The following SLC8B1 variants were observed in gnomAD, a reference collection of about 807,000 sequenced individuals.
The protein encoded by SLC8B1 is mitochondrial sodium/calcium exchanger protein.
A neutral mutation model predicts 63.4 loss-of-function variants in SLC8B1; 52 were observed. The ratio of observed to expected loss-of-function variants is 0.82; its 90% CI spans 0.66 to 1.03. The LOEUF (loss-of-function observed/expected upper bound fraction) is 1.03. SLC8B1 is among the 50% of genes least tolerant of loss of function. The pLI is 0.00. For synonymous variants in SLC8B1, 336 were observed against 323.9 expected, an observed-to-expected ratio of 1.04 and a Z score of -0.40; for missense variants, 657 against 741.7, an observed-to-expected ratio of 0.89 and a Z score of 1.33.
rs67032040 is a variant in SLC8B1, at chr12:113,307,110, C to CAA, written c.1412-537_1412-536dup. Among the ~76,000 whole-genome samples, 15 of 18,208 alleles carry CAA rather than the reference C, an allele frequency of 8.2e-4. 6 individuals carry two copies. Among genetic ancestry groups the CAA allele is most frequent in the Non-Finnish European group, 1.4e-3 (13 of 9,170 alleles). The allele number at this position is 18,208 out of a possible 152,430, so 11.9% of individuals were successfully genotyped here. A position where few individuals can be genotyped will look rare whatever the true frequency, so the allele number is the denominator to read the frequency against. On this transcript the variant is annotated intron_variant, in intron 13 of 15. Transcript: ENST00000680972. Reference sequence around the variant, plus strand: ...TGGGCGACAGAGCAAGCCTCCATCTCAAAAAAAAAAAAAAAAAAAAAAAAA... The same window carrying CAA: ...TGGGCGACAGAGCAAGCCTCCATCTCAAAAAAAAAAAAAAAAAAAAAAAAAAA...
chr12:113,303,059 CACACACACACGT>C (rs1956614793), intron 15 of SLC8B1, among the ~76,000 whole-genome samples: 1 of 143,300 alleles, frequency 7.0e-6, no homozygotes, highest in Non-Finnish European at 1.5e-5. Context: ...GGTAGACACA[CACACACACACGT>C]ACACACACAC....
In SLC8B1 at chr12:113,299,590, G is replaced by A; in HGVS notation, c.*187C>T. On this transcript the variant is annotated 3_prime_UTR_variant, in exon 16 of 16. Coordinates refer to ENST00000680972, the MANE Select transcript of SLC8B1 (RefSeq NM_001358345.2). ...CAAGGTCCCCACGGCAAGGCTGTTG[G>A]GTGCTGGCAGCAAGAGGTACACAGC... 3 of 615,080 alleles carry A rather than the reference G, an allele frequency of 4.9e-6. No homozygotes were observed. Among genetic ancestry groups the A allele is most frequent in the Non-Finnish European group, 8.6e-6 (3 of 346,850 alleles). 38.1% of individuals were successfully genotyped at this position (615,080 alleles called of 1,614,324 possible).
chr12:113,333,456 T>G (rs1957085332), intron 1 of SLC8B1, among the ~76,000 whole-genome samples: 1 of 152,240 alleles, frequency 6.6e-6, no homozygotes, highest in African/African-American at 2.4e-5. Flanking sequence ...AATGCTGTTG[T>G]TCTGTGTCTT....
chr12:113,299,827 C>A lies in SLC8B1; in HGVS notation c.1705G>T (p.Val569Phe), dbSNP rs1956548682. 1 of 1,614,230 alleles carries A rather than the reference C, an allele frequency of 6.2e-7. No individual in the cohort carries two copies. The highest frequency in any genetic ancestry group is 8.5e-7 in the Non-Finnish European group (1 of 1,180,050). The part of the protein sequence containing the change: ...CLLLFYLNFL[V>F]VALLTEFGVI... ...CCAAATTCAGTGAGGAGGGCCACGA[C>A]AAGGAAGTTCAGGTAGAAGAGGAGC... Residue 569 changes from valine (V) to phenylalanine (F), a missense_variant, in exon 16 of 16, where the codon GTC becomes TTC. Coordinates refer to ENST00000680972, the MANE Select transcript of SLC8B1 (RefSeq NM_001358345.2).
At chr12:113,303,147 G>A (rs1039476615) in intron 15 of SLC8B1, among the ~76,000 whole-genome samples, 6 of 126,936 alleles carry the variant, frequency 4.7e-5, no homozygotes, top group East Asian at 4.0e-4. Flanking sequence ...ACACACGCGC[G>A]CGCACAGGAG....
rs1956814601 is a variant in SLC8B1, at chr12:113,314,979, A to G, written c.1135+356T>C. On this transcript the variant is annotated intron_variant, in intron 11 of 15. Transcript: ENST00000680972. ...TCTGCCTCTAGCCCAAACCTCCCTC[A>G]CGTGGTTGAGAAGAAAACTCCACTG... Among the ~76,000 whole-genome samples, 3 of 152,124 alleles carry G rather than the reference A, an allele frequency of 2.0e-5. No homozygotes were observed. The South Asian group carries it at 6.2e-4, about 32-fold the overall frequency.
At chr12:113,315,794 C>G (rs943839140) in intron 10 of SLC8B1, among the ~76,000 whole-genome samples, 3 of 152,220 alleles carry the variant, frequency 2.0e-5, no homozygotes, top group Admixed American at 2.0e-4. Context: ...CACCTGCCTT[C>G]CAGGCCCCAC....
chr12:113,328,051 G>A (rs1027469470), intron 2 of SLC8B1, among the ~76,000 whole-genome samples: 4 of 147,988 alleles, frequency 2.7e-5, no homozygotes, highest in African/African-American at 1.0e-4. Flanking sequence ...TATTTATTTA[G>A]AGACAGGTTC....
intron 2 of SLC8B1, among the ~76,000 whole-genome samples, chr12:113,327,765 C>T (rs1408862849): frequency 1.3e-5 from 2 of 151,676 alleles, no homozygotes. Flanking sequence ...GGTGGATCAC[C>T]TGAGGTCAGG....
At chr12:113,334,187 C>T (rs1180039746) in intron 1 of SLC8B1, among the ~76,000 whole-genome samples, 1 of 152,192 alleles carries the variant, frequency 6.6e-6, no homozygotes, top group East Asian at 1.9e-4. Context: ...GCCAAAATGG[C>T]TTCAATATAT....
rs758117108 is a variant in SLC8B1, at chr12:113,320,940, G to A, written c.363-33C>T. ...GAAAAAGCGGACGGGAAGCATTTCC[G>A]TAGTAACCGGCCCCGGACCCCTATC... On this transcript the variant is annotated intron_variant, in intron 4 of 15. Coordinates refer to ENST00000680972, the MANE Select transcript of SLC8B1 (RefSeq NM_001358345.2). This position sits in a 1 kb window ranked among gnomAD's most constrained non-coding sequence, Gnocchi z 5.3. 97 of 1,595,354 alleles carry A rather than the reference G, an allele frequency of 6.1e-5. No individual in the cohort carries two copies. Among genetic ancestry groups the A allele is most frequent in the Non-Finnish European group, 7.8e-5 (92 of 1,172,220 alleles).
At position 113,309,616 on chromosome 12, in the gene SLC8B1, C is replaced by T. The variant is rs933558720; in HGVS notation, c.1257+618G>A. ...AAAAAACATACAAAAATTAGCTGGG[C>T]GTGGTGGCTTGCGCCTGTAGTCCCA... On this transcript the variant is annotated intron_variant, in intron 12 of 15. Transcript: ENST00000680972. Among the ~76,000 whole-genome samples, 6 of 152,060 alleles carry T rather than the reference C, an allele frequency of 3.9e-5. No individual in the cohort carries two copies. The East Asian group carries it at 5.8e-4, about 15-fold the overall frequency.
At position 113,320,864 on chromosome 12, in the gene SLC8B1, A is replaced by G; in HGVS notation, c.406T>C (p.Ser136Pro). 1 of 1,605,756 alleles carries G rather than the reference A, an allele frequency of 6.2e-7. No homozygotes were observed. The highest frequency in any genetic ancestry group is 2.2e-5 in the East Asian group (1 of 44,578). Residue 136 changes from serine (S) to proline (P), a missense_variant, in exon 5 of 16, where the codon TCC (serine) becomes CCC (proline). Transcript: ENST00000680972. The surrounding 1 kb of genome is among the most constrained non-coding windows in gnomAD (Gnocchi z 5.3). ...CAAAAGGATACTGCCACGTTGTGGGAGAGCTTCAGTGTGGTAGAAATGGCC... is the reference window on the plus strand; with the variant it reads ...CAAAAGGATACTGCCACGTTGTGGGGGAGCTTCAGTGTGGTAGAAATGGCC... ...LSAISTTLKL[S>P]HNVAGVTFLA...
chr12:113,320,386 C>T lies in SLC8B1; in HGVS notation c.639G>A (p.Val213=), dbSNP rs774526146. The change falls in exon 7 of 16, where the codon GTG becomes GTA. Residue 213 remains valine (V), a synonymous_variant. Transcript: ENST00000680972. This position sits in a 1 kb window ranked among gnomAD's most constrained non-coding sequence, Gnocchi z 5.3. ...GGAAGAGCATGAGGAAGGTCAGGAA[C>T]ACAGCCACCATGTAGAAAACGATGT... ...FRDIVFYMVA[V]FLTFLMLFRG... 5 of 1,614,210 alleles carry T rather than the reference C, an allele frequency of 3.1e-6. No individual in the cohort carries two copies. The East Asian group carries it at 1.1e-4, about 36-fold the overall frequency.
chr12:113,334,415 A>T (rs1957100909), intron 1 of SLC8B1, 28 bp downstream of exon 1: 1 of 152,048 alleles, frequency 6.6e-6, no homozygotes, highest in African/African-American at 2.4e-5. Context: ...GAGGTCAGAA[A>T]GGCGCCTGTC....
intron 11 of SLC8B1, among the ~76,000 whole-genome samples, chr12:113,312,750 A>G (rs1381761065): frequency 6.6e-6 from 1 of 152,188 alleles, no homozygotes; most frequent in Non-Finnish European, 1.5e-5. Context: ...GACTCAGGAA[A>G]GGGATTCCTT....
chr12:113,299,388 CAGGCAA>C lies in SLC8B1; in HGVS notation c.*383_*388del. On this transcript the variant is annotated 3_prime_UTR_variant, in exon 16 of 16. Coordinates refer to ENST00000680972, the MANE Select transcript of SLC8B1 (RefSeq NM_001358345.2). The stretch of plus-strand genomic sequence containing the variant: ...AGAAGGTGCCAGAAGGCCTGAAGCC[CAGGCAA>C]GGGGAACGGGCAGTGCCTGTGCCTC... The C allele has an allele frequency of 4.2e-6, 1 of 240,846 alleles. No individual in the cohort carries two copies. The highest frequency in any genetic ancestry group is 8.4e-6 in the Non-Finnish European group (1 of 119,010). The allele number at this position is 240,846 out of a possible 1,614,324, so 14.9% of individuals were successfully genotyped here.
intron 10 of SLC8B1, among the ~76,000 whole-genome samples, chr12:113,316,097 G>C (rs557418266): frequency 2.0e-5 from 3 of 152,060 alleles, no homozygotes; most frequent in African/African-American, 7.2e-5. Flanking sequence ...GGTGGCGGGC[G>C]CCTATAGTCC....
At chr12:113,306,693 GTGT>G in intron 13 of SLC8B1, 118 bp from the exon 14 acceptor site, 9 of 802,866 alleles carry the variant, frequency 1.1e-5, no homozygotes, top group South Asian at 1.5e-5. Flanking sequence ...GGATGCCCAA[GTGT>G]GCCTGGGCAC....
Sources: gnomAD v4.1 joint callset for allele counts (sites outside exome capture counted in the v4.1 genomes callset) on GRCh38, gnomAD v4.1.1 for gene constraint, Gnocchi (gnomAD v3.1) non-coding constraint, MANE v1.5 for transcripts, NCBI Gene and HGNC (gene_info 2026-07-23, HGNC 2026-07-21) for gene names.